The following HECW2 variants were observed in gnomAD, a reference collection of about 807,000 sequenced individuals.
HECW2 encodes the protein HECT, C2 and WW domain containing E3 ubiquitin protein ligase 2.
In HECW2, 61 loss-of-function variants were observed where a neutral mutation model predicts 175.2. The observed-to-expected ratio is 0.35, with a 90% confidence interval of 0.28 to 0.43. The LOEUF (loss-of-function observed/expected upper bound fraction) is 0.43, where lower values mean the gene tolerates loss of function less well. HECW2 is among the 20% of genes least tolerant of loss of function. The probability of loss-of-function intolerance (pLI) is 1.00; values close to 1 mark genes in which losing one functional copy is unlikely to be tolerated. For missense variants in HECW2, 1,524 were observed against 2,000.5 expected (o/e 0.76, Z 4.54); for synonymous variants, 671 against 731.0 (o/e 0.92, Z 1.32).
chr2:196,231,164 G>T (rs768415393), intron 21 of HECW2, among the ~76,000 whole-genome samples: 7 of 136,224 alleles, frequency 5.1e-5, no homozygotes, highest in Non-Finnish European at 1.1e-4. Flanking sequence ...TTCACTTTTT[G>T]AGACTTAGTC....
At chr2:196,421,357 G>C (rs1575524704) in intron 2 of HECW2, among the ~76,000 whole-genome samples, 1 of 152,010 alleles carries the variant, frequency 6.6e-6, no homozygotes, top group South Asian at 2.1e-4. Flanking sequence ...GCCAAAGAAT[G>C]GCTGAAAGTA....
At chr2:196,490,633 C>T (rs1687153631) in intron 1 of HECW2, among the ~76,000 whole-genome samples, 1 of 152,130 alleles carries the variant, frequency 6.6e-6, no homozygotes, top group Non-Finnish European at 1.5e-5. Context: ...CATATGTTCA[C>T]CCACATAAAA....
chr2:196,334,620 A>T, intron 3 of HECW2, 102 bp from the exon 4 acceptor site: 2 of 816,986 alleles, frequency 2.4e-6, no homozygotes, highest in Non-Finnish European at 4.0e-6. Context: ...AATCCTACTC[A>T]TGACTCTGAA....
intron 2 of HECW2, among the ~76,000 whole-genome samples, chr2:196,389,214 G>T (rs1203907866): frequency 6.6e-6 from 1 of 152,116 alleles, no homozygotes; most frequent in Non-Finnish European, 1.5e-5. Context: ...ATTAATTAAA[G>T]AATATTTAGC....
intron 1 of HECW2, among the ~76,000 whole-genome samples, chr2:196,536,475 C>G (rs75622820): frequency 2.0e-5 from 3 of 152,310 alleles, no homozygotes; most frequent in African/African-American, 7.2e-5. Context: ...AGTTGGCATG[C>G]TCAGCCTCAC....
At position 196,544,903 on chromosome 2, in the gene HECW2, C is replaced by T. The variant is rs141161613; in HGVS notation, c.-36+48605G>A. ...CCTCATACTTTGTTTTGCTCAAGTTCAGATTTTGCTTCTTAGCCAGGGAAG... is the reference window on the plus strand; with the variant it reads ...CCTCATACTTTGTTTTGCTCAAGTTTAGATTTTGCTTCTTAGCCAGGGAAG... On this transcript the variant is annotated intron_variant, in intron 1 of 28. Coordinates refer to ENST00000644978, the MANE Select transcript of HECW2 (RefSeq NM_001348768.2). Among the ~76,000 whole-genome samples the T allele has an allele frequency of 3.9e-3, 591 of 152,304 alleles. 3 individuals carry two copies. The highest frequency in any genetic ancestry group is 0.014 in the Middle Eastern group (4 of 294).
chr2:196,243,310 G>A (rs1382866223), intron 19 of HECW2, among the ~76,000 whole-genome samples: 1 of 151,820 alleles, frequency 6.6e-6, no homozygotes, highest in Non-Finnish European at 1.5e-5. Context: ...TGGGATTGCA[G>A]GCATGTGCCA....
intron 2 of HECW2, among the ~76,000 whole-genome samples, chr2:196,358,435 C>A (rs967218262): frequency 3.3e-5 from 5 of 151,570 alleles, no homozygotes; most frequent in Non-Finnish European, 7.4e-5. Flanking sequence ...ATTAGCTGGG[C>A]ATGGTGGCAG....
At chr2:196,471,174 T>C (rs1174093578) in intron 1 of HECW2, among the ~76,000 whole-genome samples, 5 of 152,176 alleles carry the variant, frequency 3.3e-5, no homozygotes, top group Non-Finnish European at 7.4e-5. Context: ...CATCAACAAA[T>C]TTTTATTTTT....
At chr2:196,380,093 A>G (rs1032728602) in intron 2 of HECW2, among the ~76,000 whole-genome samples, 4 of 152,244 alleles carry the variant, frequency 2.6e-5, no homozygotes, top group Admixed American at 6.5e-5. Flanking sequence ...TATCCCTATT[A>G]GAAGTTCATA....
chr2:196,371,192 A>T (rs1559072667), intron 2 of HECW2, among the ~76,000 whole-genome samples: 1 of 152,192 alleles, frequency 6.6e-6, no homozygotes, highest in Non-Finnish European at 1.5e-5. Context: ...TCTAACAGAC[A>T]ATGGTGTAGA....
chr2:196,210,917 C>T (rs1687260506), intron 28 of HECW2, among the ~76,000 whole-genome samples: 1 of 152,034 alleles, frequency 6.6e-6, no homozygotes, highest in African/African-American at 2.4e-5. Flanking sequence ...AGCCACTGCA[C>T]TCTGCCAAAA....
At chr2:196,221,152 T>G (rs1429605919) in intron 24 of HECW2, among the ~76,000 whole-genome samples, 3 of 152,044 alleles carry the variant, frequency 2.0e-5, no homozygotes, top group Non-Finnish European at 4.4e-5. Context: ...CTTTGGTGAT[T>G]AAAGTATATA....
intron 2 of HECW2, among the ~76,000 whole-genome samples, chr2:196,391,330 C>T (rs1490319929): frequency 1.3e-5 from 2 of 152,142 alleles, no homozygotes; most frequent in Admixed American, 1.3e-4. Flanking sequence ...CCTATGATCT[C>T]TCTATGCTTT....
At chr2:196,492,215 T>A (rs183527639) in intron 1 of HECW2, among the ~76,000 whole-genome samples, 25 of 152,318 alleles carry the variant, frequency 1.6e-4, no homozygotes, top group African/African-American at 6.0e-4. Flanking sequence ...TGTCACAGAA[T>A]GCTCCAGGGA....
chr2:196,234,903 A>G (rs577403956), intron 21 of HECW2, among the ~76,000 whole-genome samples: 2 of 152,278 alleles, frequency 1.3e-5, no homozygotes, highest in Admixed American at 1.3e-4. Context: ...AGATAACCAG[A>G]TTAAGTTGTG....
chr2:196,222,573 T>C (rs1687708014), intron 23 of HECW2, among the ~76,000 whole-genome samples: 1 of 152,172 alleles, frequency 6.6e-6, no homozygotes, highest in Non-Finnish European at 1.5e-5. Flanking sequence ...CAGGAATCAT[T>C]CAGCCTGCGT....
chr2:196,319,480 G>A lies in HECW2; in HGVS notation c.1410C>T (p.His470=), dbSNP rs776406220. ...GGTAACCCAGGTCTTGCTGGAACTCGTGATCTTCTTCATCTGAATCAATAT... is the reference window on the plus strand; with the variant it reads ...GGTAACCCAGGTCTTGCTGGAACTCATGATCTTCTTCATCTGAATCAATAT... ...MLHIDSDEED[H]EFQQDLGYPS... Residue 470 remains histidine (H), a synonymous_variant, in exon 9 of 29, where the codon CAC becomes CAT. Coordinates refer to ENST00000644978, the MANE Select transcript of HECW2 (RefSeq NM_001348768.2). 1.5e-5 allele frequency: 25 copies of A among 1,613,942 alleles called. No individual in the cohort carries two copies. Among genetic ancestry groups the A allele is most frequent in the African/African-American group, 2.7e-5 (2 of 74,912 alleles).
chr2:196,511,046 A>T (rs1257567079), intron 1 of HECW2, among the ~76,000 whole-genome samples: 1 of 151,528 alleles, frequency 6.6e-6, no homozygotes, highest in African/African-American at 2.4e-5. Context: ...GCTCACAGCA[A>T]CCTCTGCCTC....
Sources: allele counts gnomAD v4.1 joint callset (sites outside exome capture counted in the v4.1 genomes callset), GRCh38; gene constraint gnomAD v4.1.1; transcripts MANE v1.5; gene names NCBI Gene and HGNC (gene_info 2026-07-23, HGNC 2026-07-21).